The following PARD3B variants were observed in gnomAD, a reference collection of about 807,000 sequenced individuals.
The protein encoded by PARD3B is par-3 family cell polarity regulator beta.
A neutral mutation model predicts 130.2 loss-of-function variants in PARD3B; 103 were observed. The ratio of observed to expected loss-of-function variants is 0.79; its 90% CI spans 0.67 to 0.93. PARD3B has a LOEUF of 0.93. Ranked by LOEUF, PARD3B falls within the 40% of genes least tolerant of loss-of-function variation. The pLI is 0.00. For missense variants in PARD3B, 1,609 were observed against 1,499.2 expected (o/e 1.07, Z -1.21); for synonymous variants, 583 against 553.2 (o/e 1.05, Z -0.76).
intron 11 of PARD3B, among the ~76,000 whole-genome samples, chr2:205,170,021 C>G (rs1015938921): frequency 6.6e-6 from 1 of 151,248 alleles, no homozygotes; most frequent in Non-Finnish European, 1.5e-5. Flanking sequence ...ACCTCCGCCT[C>G]CTCGGTTCAA....
chr2:204,791,771 C>T (rs771218138), intron 2 of PARD3B, among the ~76,000 whole-genome samples: 1 of 152,158 alleles, frequency 6.6e-6, no homozygotes, highest in African/African-American at 2.4e-5. Flanking sequence ...TTTCATTAAC[C>T]TTGTCTACAT....
At chr2:205,119,826 T>G (rs1422451216) in intron 7 of PARD3B, among the ~76,000 whole-genome samples, 3 of 152,160 alleles carry the variant, frequency 2.0e-5, no homozygotes, top group Admixed American at 2.0e-4. Flanking sequence ...AGAAATCATC[T>G]TTCTGCATGT....
At chr2:205,354,180 A>G (rs532134211) in intron 18 of PARD3B, among the ~76,000 whole-genome samples, 1 of 151,792 alleles carries the variant, frequency 6.6e-6, no homozygotes, top group East Asian at 1.9e-4. Context: ...CTGGGACCAC[A>G]GGCACATGCC....
At chr2:205,181,876 C>T (rs2035806815) in intron 13 of PARD3B, among the ~76,000 whole-genome samples, 1 of 152,118 alleles carries the variant, frequency 6.6e-6, no homozygotes, top group African/African-American at 2.4e-5. Context: ...CAATGAAATC[C>T]AGAAATATTA....
At chr2:205,515,309 G>A (rs936538995) in intron 21 of PARD3B, among the ~76,000 whole-genome samples, 7 of 152,084 alleles carry the variant, frequency 4.6e-5, no homozygotes, top group African/African-American at 7.2e-5. Flanking sequence ...AAACATTTGC[G>A]TGCATGTGTC....
At chr2:204,564,137 A>G (rs773411246) in intron 1 of PARD3B, among the ~76,000 whole-genome samples, 1 of 152,184 alleles carries the variant, frequency 6.6e-6, no homozygotes, top group African/African-American at 2.4e-5. Flanking sequence ...ATTGCTATTC[A>G]GTCTGTAATT....
intron 18 of PARD3B, among the ~76,000 whole-genome samples, chr2:205,376,263 G>A (rs984640851): frequency 6.6e-6 from 1 of 152,160 alleles, no homozygotes; most frequent in African/African-American, 2.4e-5. Flanking sequence ...AGCAGGCAGA[G>A]TCCACAAGCC....
intron 1 of PARD3B, among the ~76,000 whole-genome samples, chr2:204,665,055 C>G (rs2035964958): frequency 6.6e-6 from 1 of 151,038 alleles, no homozygotes; most frequent in Non-Finnish European, 1.5e-5. Flanking sequence ...GGGAGTGGCT[C>G]TTCAGAATAC....
At chr2:204,698,152 G>C (rs544034191) in intron 2 of PARD3B, among the ~76,000 whole-genome samples, 18 of 152,140 alleles carry the variant, frequency 1.2e-4, no homozygotes, top group South Asian at 4.1e-4. Context: ...ATTTACGCCT[G>C]TTTCCATTGC....
At chr2:205,560,690 T>A (rs920867426) in intron 22 of PARD3B, among the ~76,000 whole-genome samples, 2 of 152,168 alleles carry the variant, frequency 1.3e-5, no homozygotes, top group Non-Finnish European at 2.9e-5. Context: ...CTCCAGTCCT[T>A]GATGTTTCTG....
intron 4 of PARD3B, among the ~76,000 whole-genome samples, chr2:205,052,762 A>C (rs747325741): frequency 6.6e-6 from 1 of 152,170 alleles, no homozygotes; most frequent in Non-Finnish European, 1.5e-5. Context: ...TTAGTTCATC[A>C]TATTATCACC....
At chr2:204,762,732 G>A (rs2040957621) in intron 2 of PARD3B, among the ~76,000 whole-genome samples, 1 of 95,946 alleles carries the variant, frequency 1.0e-5, no homozygotes, top group South Asian at 4.6e-4. Flanking sequence ...ACTGCCAGCT[G>A]TTCATCTTTC....
chr2:204,939,625 T>C (rs1170605766), intron 2 of PARD3B, among the ~76,000 whole-genome samples: 1 of 152,226 alleles, frequency 6.6e-6, no homozygotes, highest in Non-Finnish European at 1.5e-5. Context: ...TTTAACACGA[T>C]TTCTTTTTTG....
At chr2:205,250,944 A>T (rs2039819484) in intron 16 of PARD3B, among the ~76,000 whole-genome samples, 1 of 151,932 alleles carries the variant, frequency 6.6e-6, no homozygotes, top group African/African-American at 2.4e-5. Flanking sequence ...AATAAAAAAT[A>T]AAAAAATAAA....
At chr2:204,729,527 G>C (rs896968240) in intron 2 of PARD3B, among the ~76,000 whole-genome samples, 1 of 152,120 alleles carries the variant, frequency 6.6e-6, no homozygotes, top group Admixed American at 6.6e-5. Flanking sequence ...GTATAATCTT[G>C]AAATGTGATA....
At chr2:204,721,174 A>G (rs2038979445) in intron 2 of PARD3B, among the ~76,000 whole-genome samples, 1 of 152,242 alleles carries the variant, frequency 6.6e-6, no homozygotes, top group Non-Finnish European at 1.5e-5. Context: ...AAAAGAAGTT[A>G]GAATAAATAT....
chr2:205,417,099 G>A (rs2046806132), intron 19 of PARD3B, among the ~76,000 whole-genome samples: 1 of 112,176 alleles, frequency 8.9e-6, no homozygotes, highest in African/African-American at 3.7e-5. Flanking sequence ...CCCCCGGCAG[G>A]CCCCAGTGTG....
chr2:205,001,414 C>T (rs1018424839), intron 3 of PARD3B, among the ~76,000 whole-genome samples: 1 of 152,210 alleles, frequency 6.6e-6, no homozygotes, highest in Non-Finnish European at 1.5e-5. Flanking sequence ...GGCTGAACCC[C>T]TGTATCTTGG....
At chr2:204,796,732 G>C (rs569821055) in intron 2 of PARD3B, among the ~76,000 whole-genome samples, 64 of 152,130 alleles carry the variant, frequency 4.2e-4, no homozygotes, top group Non-Finnish European at 8.4e-4. Flanking sequence ...TCCAGTTTCT[G>C]GATGACTTTT....
Sources: gnomAD v4.1 joint callset for allele counts (sites outside exome capture counted in the v4.1 genomes callset) on GRCh38, gnomAD v4.1.1 for gene constraint, MANE v1.5 for transcripts, NCBI Gene and HGNC (gene_info 2026-07-23, HGNC 2026-07-21) for gene names.